PPP1R3F: variants seen among roughly 807,000 people sequenced by gnomAD.
The protein encoded by PPP1R3F is protein phosphatase 1, regulatory (inhibitor) subunit 3F.
PPP1R3F carries 29 observed loss-of-function variants against 24.2 expected under a neutral mutation model. The ratio of observed to expected loss-of-function variants is 1.20; its 90% CI spans 0.89 to 1.63. The LOEUF (loss-of-function observed/expected upper bound fraction) is 1.63. PPP1R3F is among the 40% of genes most tolerant of loss of function. The pLI is 0.00. For synonymous variants in PPP1R3F, 363 were observed against 340.1 expected (o/e 1.07, Z -0.74); for missense variants, 823 against 729.3 (o/e 1.13, Z -1.48).
intron 3 of PPP1R3F, among the ~76,000 whole-genome samples, chrX:49,294,197 C>T (rs1215827444): frequency 9.1e-6 from 1 of 110,143 alleles, no homozygotes; most frequent in Non-Finnish European, 1.9e-5. Context: ...CCCTAAAGAA[C>T]TCCATTGTGC....
At position 49,270,373 on chromosome X, in the gene PPP1R3F, A is replaced by T. The variant is rs782516192; in HGVS notation, c.504A>T (p.Val168=). Residue 168 remains valine (V), a synonymous_variant, in exon 1 of 4, where the codon GTA becomes GTT. Transcript: ENST00000055335. ...GCCCGCCGGTGCTGCGCGGGTTGGT[A>T]CGCGTGCTGAACCGCTCCTTCGAGA... is the stretch of plus-strand genomic sequence containing the variant. ...GGRPPVLRGL[V]RVLNRSFEKA... 40 of 1,158,298 alleles carry T rather than the reference A, an allele frequency of 3.5e-5. No homozygotes were observed. The African/African-American group carries it at 5.7e-4, about 17-fold the overall frequency.
At position 49,286,858 on chromosome X, in the gene PPP1R3F, A is replaced by C. The variant is rs2066289422; in HGVS notation, c.2168A>C (p.His723Pro). ...TGTCTCTCTAGTGTAGCCAGGCCTCATGTGAGCTCCCAGGATGAAAAGGAT... is the reference window on the plus strand; with the variant it reads ...TGTCTCTCTAGTGTAGCCAGGCCTCCTGTGAGCTCCCAGGATGAAAAGGAT... ...EVCLSSVARP[H>P]VSSQDEKDAG... The change falls in exon 4 of 4, where the codon CAT (histidine) becomes CCT (proline). Residue 723 changes from histidine (H) to proline (P), a missense_variant. Transcript: ENST00000055335. 23 of 1,192,788 alleles carry C rather than the reference A, an allele frequency of 1.9e-5. No individual in the cohort carries two copies. Among genetic ancestry groups the C allele is most frequent in the Non-Finnish European group, 2.6e-5 (23 of 885,509 alleles).
intron 1 of PPP1R3F, among the ~76,000 whole-genome samples, chrX:49,277,236 C>T (rs2066219509): frequency 8.9e-6 from 1 of 112,893 alleles, no homozygotes; most frequent in African/African-American, 3.2e-5. Flanking sequence ...TTTCCAAATC[C>T]TCACCCTCTG....
intron 1 of PPP1R3F, chrX:49,275,897 GTGC>G (rs2066209683): frequency 8.9e-6 from 1 of 112,441 alleles, no homozygotes; most frequent in Non-Finnish European, 1.9e-5. Context: ...CTGTCTTTCA[GTGC>G]ACCTATAACT....
chrX:49,270,076 C>A lies in PPP1R3F; in HGVS notation c.207C>A (p.Ala69=). 1.0e-6 allele frequency: 1 copy of A among 995,526 alleles called. No individual in the cohort carries two copies. Among genetic ancestry groups the A allele is most frequent in the African/African-American group, 2.0e-5 (1 of 49,772 alleles). The allele number at this position is 995,526 out of a possible 1,213,427, so 82.0% of individuals were successfully genotyped here. The change falls in exon 1 of 4, where the codon GCC becomes GCA. Residue 69 remains alanine, a synonymous_variant. Coordinates refer to ENST00000055335, the MANE Select transcript of PPP1R3F (RefSeq NM_033215.5). ...GPGAGKMAAA[A]GQDGGGGGGA... ...GGGCGGGCAAGATGGCGGCGGCGGCCGGGCAAGATGGCGGCGGCGGCGGCG... is the reference window on the plus strand; with the variant it reads ...GGGCGGGCAAGATGGCGGCGGCGGCAGGGCAAGATGGCGGCGGCGGCGGCG...
intron 1 of PPP1R3F, chrX:49,281,196 G>T (rs1424371184): frequency 3.3e-6 from 1 of 301,162 alleles, no homozygotes; most frequent in African/African-American, 2.7e-5. Context: ...TGTTTTTCTT[G>T]CTTCTTTAGA....
At chrX:49,296,098 G>A (rs377312802) in intron 3 of PPP1R3F, among the ~76,000 whole-genome samples, 20 of 111,899 alleles carry the variant, frequency 1.8e-4, no homozygotes, top group Middle Eastern at 4.6e-3. Context: ...AATGGTACTA[G>A]CTTCTCTTTG....
At chrX:49,290,562 G>A (rs1455828013), downstream of PPP1R3F, among the ~76,000 whole-genome samples, 1 of 111,258 alleles carries the variant, frequency 9.0e-6, no homozygotes, top group Non-Finnish European at 1.9e-5. Context: ...CATAAAGGGG[G>A]CTAATGCCCA....
intron 3 of PPP1R3F, among the ~76,000 whole-genome samples, chrX:49,284,384 C>T (rs1449948868): frequency 1.9e-5 from 2 of 108,054 alleles, no homozygotes; most frequent in African/African-American, 6.8e-5. Flanking sequence ...CCTTTCCTTT[C>T]TTTCCTTACC....
At chrX:49,271,114 C>T (rs1424505040) in intron 1 of PPP1R3F, among the ~76,000 whole-genome samples, 1 of 111,896 alleles carries the variant, frequency 8.9e-6, no homozygotes, top group Non-Finnish European at 1.9e-5. Context: ...TCTACCCTAC[C>T]CTCAAGGATT....
intron 1 of PPP1R3F, 96 bp downstream of exon 1, chrX:49,270,969 G>C (rs1557119210): frequency 2.3e-6 from 2 of 885,917 alleles, no homozygotes; most frequent in African/African-American, 4.0e-5. Context: ...CTGCTCTCCA[G>C]GACAGGGAGG....
In PPP1R3F at chrX:49,270,235, G is replaced by C. The variant is rs2147957788; in HGVS notation, c.366G>C (p.Pro122=). The change falls in exon 1 of 4, where the codon CCG becomes CCC. Residue 122 remains proline, a synonymous_variant. Coordinates refer to ENST00000055335, the MANE Select transcript of PPP1R3F (RefSeq NM_033215.5). ...ACCTGGTCCCCACATTTTCGCTGCC[G>C]CCCGCGCCGGGCCGTCTGGAGCGCT... ...GFYLVPTFSL[P]PAPGRLERLG... is the part of the protein sequence containing the mutation. The C allele has an allele frequency of 1.8e-6, 2 of 1,091,960 alleles. No homozygotes were observed. The highest frequency in any genetic ancestry group is 1.9e-5 in the African/African-American group (1 of 51,387). 90.0% of individuals were successfully genotyped at this position (1,091,960 alleles called of 1,213,427 possible). A position where few individuals can be genotyped will look rare whatever the true frequency, so the allele number is the denominator to read the frequency against.
chrX:49,278,108 T>C lies in PPP1R3F; in HGVS notation c.1005-3298T>C, dbSNP rs782020343. On this transcript the variant is annotated intron_variant, in intron 1 of 3. Transcript: ENST00000055335. Reference sequence around the variant, plus strand: ...AGGATTGATTGTGTATTTGTTTTTCTTTCTCCTTCCTCCAACTGAATTGTG... The same window carrying C: ...AGGATTGATTGTGTATTTGTTTTTCCTTCTCCTTCCTCCAACTGAATTGTG... 4.6e-3 allele frequency among the ~76,000 whole-genome samples: 523 copies of C among 112,542 alleles called. 1 individual carries two copies. Among genetic ancestry groups the C allele is most frequent in the African/African-American group, 0.016 (501 of 30,961 alleles).
At chrX:49,288,795 A>C (rs1032102785), downstream of PPP1R3F, among the ~76,000 whole-genome samples, 1 of 111,919 alleles carries the variant, frequency 8.9e-6, no homozygotes, top group Non-Finnish European at 1.9e-5. Flanking sequence ...AAATAATTCT[A>C]AGTGGGTTTA....
At chrX:49,284,499 C>CTT (rs2066268636) in intron 3 of PPP1R3F, among the ~76,000 whole-genome samples, 1 of 49,862 alleles carries the variant, frequency 2.0e-5, no homozygotes, top group African/African-American at 7.6e-5. Context: ...TTTCTTTTTT[C>CTT]TTTTTCTTTC....
chrX:49,284,784 A>T (rs1307717275), intron 3 of PPP1R3F, among the ~76,000 whole-genome samples: 1 of 111,368 alleles, frequency 9.0e-6, no homozygotes, highest in Non-Finnish European at 1.9e-5. Flanking sequence ...AAGTGCTGGG[A>T]TTACAGGCGT....
intron 3 of PPP1R3F, among the ~76,000 whole-genome samples, 187 bp downstream of exon 3, chrX:49,282,250 A>G (rs1265612112): frequency 1.8e-5 from 2 of 111,818 alleles, no homozygotes; most frequent in African/African-American, 6.5e-5. Context: ...TAGAAATGTC[A>G]TTTGTTAATT....
intron 3 of PPP1R3F, among the ~76,000 whole-genome samples, chrX:49,300,507 T>A (rs2066334737): frequency 2.4e-5 from 2 of 84,202 alleles, no homozygotes; most frequent in African/African-American, 9.5e-5. Flanking sequence ...TTTTTTTTTT[T>A]AAGACAGAGT....
chrX:49,291,316 C>CTCTCTCTCTCTCTCTCTCTCTCTCTCTG (rs782097550), downstream of PPP1R3F, among the ~76,000 whole-genome samples: 11 of 88,340 alleles, frequency 1.2e-4, no homozygotes, highest in African/African-American at 2.3e-4. Context: ...CTCTCTCTCT[C>CTCTCTCTCTCTCTCTCTCTCTCTCTCTG]TCTCTCTCTC....
Sources: gnomAD v4.1 joint callset for allele counts (sites outside exome capture counted in the v4.1 genomes callset) on GRCh38, gnomAD v4.1.1 for gene constraint, MANE v1.5 for transcripts, NCBI Gene and HGNC (gene_info 2026-07-23, HGNC 2026-07-21) for gene names.